Variants in BMPER observed in about 807,000 individuals in gnomAD.
The protein encoded by BMPER is BMP binding endothelial regulator.
A neutral mutation model predicts 87.3 loss-of-function variants in BMPER; 45 were observed. The ratio of observed to expected loss-of-function variants is 0.52; its 90% confidence interval spans 0.41 to 0.66. The LOEUF (loss-of-function observed/expected upper bound fraction) is 0.66. Ranked by LOEUF, BMPER falls within the 30% of genes least tolerant of loss-of-function variation. BMPER has a pLI of 0.00. For missense variants in BMPER, 784 were observed against 867.5 expected (o/e 0.90, Z 1.21); for synonymous variants, 326 against 316.2 (o/e 1.03, Z -0.33).
At chr7:33,978,814 G>A (rs1199212641) in intron 6 of BMPER, among the ~76,000 whole-genome samples, 3 of 152,158 alleles carry the variant, frequency 2.0e-5, no homozygotes, top group East Asian at 3.9e-4. Flanking sequence ...GCATATGGTT[G>A]GAAAAAATCA....
Position 33,969,592 on chromosome 7 carries a change from G to A in BMPER, c.403-737G>A, listed in dbSNP as rs1785486961. On this transcript the variant is annotated intron_variant, in intron 4 of 14. Transcript: ENST00000649409. ...TTTTTTGTATTTTTCGTAGAGACGGGGTTTCACTGTGTTAGCCAGGATGGT... is the reference window on the plus strand; with the variant it reads ...TTTTTTGTATTTTTCGTAGAGACGGAGTTTCACTGTGTTAGCCAGGATGGT... Among the ~76,000 whole-genome samples, 3 of 152,216 alleles carry A rather than the reference G, an allele frequency of 2.0e-5. 1 individual carries two copies. In the South Asian group the frequency reaches 6.2e-4, roughly 32 times the overall value.
intron 10 of BMPER, among the ~76,000 whole-genome samples, chr7:34,060,265 A>G (rs746880240): frequency 3.4e-4 from 52 of 151,530 alleles, no homozygotes; most frequent in Non-Finnish European, 6.6e-4. Flanking sequence ...ATGTGGATGT[A>G]GGGAATCGTA....
At chr7:33,922,317 C>T (rs559029274) in intron 2 of BMPER, among the ~76,000 whole-genome samples, 1 of 152,316 alleles carries the variant, frequency 6.6e-6, no homozygotes, top group East Asian at 1.9e-4. Context: ...CATGATGTCA[C>T]CATTCCCCAA....
At chr7:34,144,860 T>G (rs781774240) in intron 14 of BMPER, among the ~76,000 whole-genome samples, 13 of 152,164 alleles carry the variant, frequency 8.5e-5, no homozygotes, top group Non-Finnish European at 1.5e-5. Flanking sequence ...TAGCCTTAGC[T>G]CACATCTCAG....
intron 13 of BMPER, among the ~76,000 whole-genome samples, chr7:34,125,441 T>G (rs1562759458): frequency 6.6e-6 from 1 of 152,226 alleles, no homozygotes; most frequent in Non-Finnish European, 1.5e-5. Flanking sequence ...CATTGTAATA[T>G]TGATCATATG....
intron 14 of BMPER, among the ~76,000 whole-genome samples, chr7:34,144,741 A>G (rs1562771364): frequency 6.6e-6 from 1 of 152,176 alleles, no homozygotes; most frequent in African/African-American, 2.4e-5. Context: ...AGGAGAAATG[A>G]CTGAATAGTT....
intron 3 of BMPER, among the ~76,000 whole-genome samples, chr7:33,943,882 G>A (rs1334985112): frequency 3.3e-5 from 5 of 152,094 alleles, no homozygotes; most frequent in Non-Finnish European, 7.4e-5. Flanking sequence ...TCCCCCTTTT[G>A]GTGGTTTGGT....
chr7:33,949,597 CTG>C (rs1262326305), intron 3 of BMPER, among the ~76,000 whole-genome samples: 1 of 150,704 alleles, frequency 6.6e-6, no homozygotes, highest in Non-Finnish European at 1.5e-5. Flanking sequence ...TCTAGTGCCA[CTG>C]TGTTTTTTTT....
intron 11 of BMPER, among the ~76,000 whole-genome samples, chr7:34,063,415 A>G (rs990047421): frequency 1.8e-4 from 27 of 152,044 alleles, no homozygotes; most frequent in Non-Finnish European, 3.4e-4. Flanking sequence ...GTATTTATAT[A>G]AAACTATTAA....
At chr7:34,135,915 T>C (rs1203949772) in intron 13 of BMPER, among the ~76,000 whole-genome samples, 2 of 152,152 alleles carry the variant, frequency 1.3e-5, no homozygotes, top group African/African-American at 4.8e-5. Context: ...CGGAGATAAC[T>C]TTTATATCTA....
intron 6 of BMPER, among the ~76,000 whole-genome samples, chr7:34,011,543 A>G (rs1042828337): frequency 1.4e-4 from 21 of 148,922 alleles, no homozygotes; most frequent in African/African-American, 5.2e-4. Context: ...CTTTTAAACC[A>G]GAATGTAAAT....
intron 12 of BMPER, among the ~76,000 whole-genome samples, chr7:34,079,576 C>T (rs1788958452): frequency 6.6e-6 from 1 of 152,210 alleles, no homozygotes; most frequent in African/African-American, 2.4e-5. Context: ...TCTCCCAGCT[C>T]AGCTAGCTAT....
At chr7:33,981,675 T>C (rs981576404) in intron 6 of BMPER, among the ~76,000 whole-genome samples, 1 of 152,230 alleles carries the variant, frequency 6.6e-6, no homozygotes, top group Non-Finnish European at 1.5e-5. Context: ...TTTATTTTCC[T>C]TCTCTTCCCC....
intron 13 of BMPER, among the ~76,000 whole-genome samples, chr7:34,129,630 G>GAGAA (rs10527738): frequency 0.025 from 1,429 of 56,280 alleles, 57 homozygotes; most frequent in African/African-American, 0.06. Context: ...GAGAGAAAGA[G>GAGAA]AGAAAGAAAG....
In BMPER at chr7:34,153,688, G is replaced by A. The variant is rs1791242677; in HGVS notation, c.*415G>A. 1 of 197,172 alleles carries A rather than the reference G, an allele frequency of 5.1e-6. No individual in the cohort carries two copies. The allele number at this position is 197,172 out of a possible 1,614,324, so 12.2% of individuals were successfully genotyped here. On this transcript the variant is annotated 3_prime_UTR_variant, in exon 15 of 15. Transcript: ENST00000649409. ...TAGTTTTGAGTCAGGATTTGTAATG[G>A]AGTGGGAAATGTGTTTCTCTGGAGA...
intron 13 of BMPER, among the ~76,000 whole-genome samples, chr7:34,102,793 G>A (rs1159167041): frequency 6.6e-6 from 1 of 152,122 alleles, no homozygotes; most frequent in Non-Finnish European, 1.5e-5. Flanking sequence ...TTAGAGTGGG[G>A]GTGTGGATGA....
rs556504158 is a variant in BMPER, at chr7:33,939,323, C to A, written c.319+1935C>A. 3.9e-5 allele frequency among the ~76,000 whole-genome samples: 6 copies of A among 152,254 alleles called. No homozygotes were observed. In the East Asian group the frequency reaches 9.7e-4, roughly 25 times the overall value. On this transcript the variant is annotated intron_variant, in intron 3 of 14. Transcript: ENST00000649409. The stretch of plus-strand genomic sequence containing the variant: ...AAGGGAAAGAGATACCCAAGACAAA[C>A]ACATTTCCTGAACATTCTTTTTGGG...
At chr7:33,953,300 C>G (rs1004974706) in intron 3 of BMPER, among the ~76,000 whole-genome samples, 1 of 152,188 alleles carries the variant, frequency 6.6e-6, no homozygotes, top group African/African-American at 2.4e-5. Context: ...AACTTCTAAG[C>G]CTTGCAGCCT....
chr7:34,104,695 G>A (rs188362876), intron 13 of BMPER, among the ~76,000 whole-genome samples: 1 of 152,284 alleles, frequency 6.6e-6, no homozygotes, highest in African/African-American at 2.4e-5. Flanking sequence ...TGGCATGGTG[G>A]CTGGTGAAGC....
Sources: gnomAD v4.1 joint callset for allele counts (sites outside exome capture counted in the v4.1 genomes callset) on GRCh38, gnomAD v4.1.1 for gene constraint, MANE v1.5 for transcripts, NCBI Gene and HGNC (gene_info 2026-07-23, HGNC 2026-07-21) for gene names.